Variants in CDK12 observed in about 807,000 individuals in gnomAD.
The protein encoded by CDK12 is cyclin dependent kinase 12, also known as cyclin-dependent kinase 12.
A neutral mutation model predicts 133.8 loss-of-function variants in CDK12; 17 were observed. That is an observed-to-expected ratio of 0.13 (90% CI 0.09 to 0.19). The LOEUF (loss-of-function observed/expected upper bound fraction) is 0.19. CDK12 is among the 10% of genes least tolerant of loss of function. The pLI, the probability that CDK12 is intolerant of heterozygous loss-of-function variation, is 1.00. For missense variants in CDK12, 1,508 were observed against 1,818.7 expected (o/e 0.83, Z 3.11); for synonymous variants, 694 against 683.6 (o/e 1.02, Z -0.24).
chr17:39,478,675 C>T (rs1023347992), intron 2 of CDK12, among the ~76,000 whole-genome samples: 1 of 152,040 alleles, frequency 6.6e-6, no homozygotes, highest in Non-Finnish European at 1.5e-5. Flanking sequence ...TACCATTAAA[C>T]AAGAAAAGGC....
chr17:39,482,599 ATTTT>A lies in CDK12; in HGVS notation c.1932-7940_1932-7937del, dbSNP rs71147345. Among the ~76,000 whole-genome samples the A allele has an allele frequency of 3.8e-4, 28 of 74,422 alleles. 1 individual carries two copies. Among genetic ancestry groups the A allele is most frequent in the Middle Eastern group, 0.014 (1 of 74 alleles). 48.8% of individuals were successfully genotyped at this position (74,422 alleles called of 152,430 possible). ...GCTGCCAAAGTGAACAATCAACTAC[ATTTT>A]TTTTTTTTTTTTTTTTTGAGGCAGA... On this transcript the variant is annotated intron_variant, in intron 2 of 13. Coordinates refer to ENST00000447079, the MANE Select transcript of CDK12 (RefSeq NM_016507.4).
chr17:39,501,938 A>G lies in CDK12; in HGVS notation c.2609+499A>G, dbSNP rs556693333. On this transcript the variant is annotated intron_variant, in intron 6 of 13. Transcript: ENST00000447079. ...CGTCTCACTGCAACCTCCACCTCCC[A>G]GGTTCAAGCGATTCTCCTGCCTCAG... 2.7e-5 allele frequency among the ~76,000 whole-genome samples: 4 copies of G among 150,274 alleles called. No individual in the cohort carries two copies. In the East Asian group the frequency reaches 7.8e-4, roughly 29 times the overall value.
chr17:39,503,950 G>A (rs2052913093), intron 6 of CDK12, among the ~76,000 whole-genome samples: 1 of 152,200 alleles, frequency 6.6e-6, no homozygotes, highest in African/African-American at 2.4e-5. Flanking sequence ...ATCAGTTTAT[G>A]CCGATAAACT....
chr17:39,476,249 A>C (rs2050183242), intron 2 of CDK12, among the ~76,000 whole-genome samples: 2 of 150,882 alleles, frequency 1.3e-5, no homozygotes, highest in African/African-American at 4.9e-5. Flanking sequence ...AGTTGGGACC[A>C]CAGGCACCCG....
At chr17:39,481,631 GCGCTCTCTCTCT>G (rs2050668302) in intron 2 of CDK12, among the ~76,000 whole-genome samples, 4 of 34,276 alleles carry the variant, frequency 1.2e-4, no homozygotes, top group Admixed American at 3.3e-4. Flanking sequence ...GCTCGCTCGC[GCGCTCTCTCTCT>G]CTCTCTCTCT....
chr17:39,480,624 C>T (rs2050568970), intron 2 of CDK12, among the ~76,000 whole-genome samples: 1 of 151,540 alleles, frequency 6.6e-6, no homozygotes, highest in Non-Finnish European at 1.5e-5. Flanking sequence ...GGTTTCACCA[C>T]GTTGGCCAGG....
At chr17:39,489,422 C>G (rs544104733) in intron 2 of CDK12, among the ~76,000 whole-genome samples, 1 of 151,806 alleles carries the variant, frequency 6.6e-6, no homozygotes, top group East Asian at 2.0e-4. Flanking sequence ...CCAGGCTGAT[C>G]TTCAACTCTT....
At chr17:39,465,495 G>GTT (rs200226050) in intron 1 of CDK12, among the ~76,000 whole-genome samples, 1 of 145,828 alleles carries the variant, frequency 6.9e-6, no homozygotes, top group Non-Finnish European at 1.5e-5. Context: ...TTTGTTTTTT[G>GTT]TTTTTTTTTG....
chr17:39,519,298 CTTTTTTTTT>C (rs386386050), intron 10 of CDK12, among the ~76,000 whole-genome samples: 2 of 53,976 alleles, frequency 3.7e-5, no homozygotes, highest in Admixed American at 2.9e-4. Flanking sequence ...AATTCAAAGA[CTTTTTTTTT>C]TTTTTTTTTT....
chr17:39,525,310 G>T (rs938006302), intron 12 of CDK12, among the ~76,000 whole-genome samples: 2 of 152,214 alleles, frequency 1.3e-5, no homozygotes, highest in African/African-American at 4.8e-5. Context: ...CTGTTATTTT[G>T]ATCTAAATGT....
chr17:39,517,157 C>A (rs758472731), intron 9 of CDK12, among the ~76,000 whole-genome samples: 1 of 152,060 alleles, frequency 6.6e-6, no homozygotes, highest in Non-Finnish European at 1.5e-5. Flanking sequence ...GTAATAAAAA[C>A]CTGTATGGGG....
At chr17:39,478,296 A>G (rs1044387979) in intron 2 of CDK12, among the ~76,000 whole-genome samples, 2 of 149,420 alleles carry the variant, frequency 1.3e-5, no homozygotes, top group Non-Finnish European at 3.0e-5. Context: ...GGTTCACATG[A>G]CTCTCCTGCC....
rs190808804 is a variant in CDK12 at position 39,531,994 on chromosome 17, C to A, written c.*678C>A. 148 of 233,786 alleles carry A rather than the reference C, an allele frequency of 6.3e-4. No individual in the cohort carries two copies. Among genetic ancestry groups the A allele is most frequent in the African/African-American group, 3.0e-3 (135 of 45,424 alleles). 14.5% of individuals were successfully genotyped at this position (233,786 alleles called of 1,614,324 possible). A position where few individuals can be genotyped will look rare whatever the true frequency, so the allele number is the denominator to read the frequency against. On this transcript the variant is annotated 3_prime_UTR_variant, in exon 14 of 14. Transcript: ENST00000447079. ...ACTCCACTTTGACAAAAGATACGCCCTTCTCCCTGCACATAAAGCAGGTTG... is the reference window on the plus strand; with the variant it reads ...ACTCCACTTTGACAAAAGATACGCCATTCTCCCTGCACATAAAGCAGGTTG...
downstream of CDK12, among the ~76,000 whole-genome samples, chr17:39,538,378 A>T (rs923821278): frequency 6.6e-5 from 10 of 152,232 alleles, no homozygotes; most frequent in African/African-American, 2.4e-4. Flanking sequence ...AGAGTCACAG[A>T]ATGTTAGAGC....
At chr17:39,551,528 A>C (rs543319530) in intron 2 of CDK12, among the ~76,000 whole-genome samples, 2 of 152,296 alleles carry the variant, frequency 1.3e-5, no homozygotes, top group African/African-American at 4.8e-5. Context: ...CCCTGCTGCA[A>C]TATAATAAGC....
At chr17:39,466,319 AAAAG>A (rs1457273446) in intron 1 of CDK12, among the ~76,000 whole-genome samples, 17 of 151,186 alleles carry the variant, frequency 1.1e-4, no homozygotes, top group South Asian at 2.1e-4. Context: ...AAAAAAAAAA[AAAAG>A]AAAGAAAAAG....
rs773073791 is a variant in CDK12, at chr17:39,482,015, C to CATTTTTTT, written c.1932-8542_1932-8541insATTTTTTT. ...GATTACAGGCATGAGCCTGGCTTGC[C>CATTTTTTT]TTTTTTTTTTTTTTTTAACAGAGTT... On this transcript the variant is annotated intron_variant, in intron 2 of 13. Coordinates refer to ENST00000447079, the MANE Select transcript of CDK12 (RefSeq NM_016507.4). Among the ~76,000 whole-genome samples the CATTTTTTT allele has an allele frequency of 1.8e-4, 17 of 96,224 alleles. 1 individual carries two copies. In the East Asian group the frequency reaches 2.0e-3, roughly 11 times the overall value. 63.1% of individuals were successfully genotyped at this position (96,224 alleles called of 152,430 possible).
chr17:39,533,681 GTGTA>G lies in CDK12; in HGVS notation c.*2369_*2372del, dbSNP rs2054996456. ...TCATCCCTACTAGGGAAGGGGGTGA[GTGTA>G]TGTGTGAGTGTATGTGTATGTATGA... On this transcript the variant is annotated 3_prime_UTR_variant, in exon 14 of 14. Transcript: ENST00000447079. 1 of 232,702 alleles carries G rather than the reference GTGTA, an allele frequency of 4.3e-6. No individual in the cohort carries two copies. Among genetic ancestry groups the G allele is most frequent in the Admixed American group, 5.6e-5 (1 of 17,746 alleles). The allele number at this position is 232,702 out of a possible 1,614,324, so 14.4% of individuals were successfully genotyped here. A position where few individuals can be genotyped will look rare whatever the true frequency, so the allele number is the denominator to read the frequency against.
At chr17:39,521,753 G>C (rs2054185434) in intron 11 of CDK12, among the ~76,000 whole-genome samples, 1 of 152,120 alleles carries the variant, frequency 6.6e-6, no homozygotes, top group South Asian at 2.1e-4. Context: ...GTAGAGACAG[G>C]GTTTCACCAT....
Sources: gnomAD v4.1 joint callset for allele counts (sites outside exome capture counted in the v4.1 genomes callset) on GRCh38, gnomAD v4.1.1 for gene constraint, MANE v1.5 for transcripts, NCBI Gene and HGNC (gene_info 2026-07-23, HGNC 2026-07-21) for gene names.